The following CTIF variants were observed in gnomAD, a reference collection of about 807,000 sequenced individuals.
CTIF encodes the protein CBP80/20-dependent translation initiation factor.
In CTIF, 21 loss-of-function variants were observed where a neutral mutation model predicts 66.0. The ratio of observed to expected loss-of-function variants is 0.32; its 90% CI spans 0.23 to 0.46. CTIF has a LOEUF of 0.46. Ranked by LOEUF, CTIF falls within the 20% of genes least tolerant of loss-of-function variation. The probability of loss-of-function intolerance (pLI) is 1.00; values close to 1 mark genes in which losing one functional copy is unlikely to be tolerated. For missense variants in CTIF, 739 were observed against 812.7 expected (o/e 0.91, Z 1.10); for synonymous variants, 345 against 326.4 (o/e 1.06, Z -0.62).
chr18:48,778,812 GGGGGCATTCTCACTAGCACCGCATC>G (rs1213180695), intron 9 of CTIF, among the ~76,000 whole-genome samples: 2 of 152,176 alleles, frequency 1.3e-5, no homozygotes, highest in Non-Finnish European at 2.9e-5. Flanking sequence ...GAGGCGTTCT[GGGGGCATTCTCACTAGCACCGCATC>G]GGGACACATC....
chr18:48,767,614 T>A (rs4263013), intron 9 of CTIF, among the ~76,000 whole-genome samples: 1 of 151,822 alleles, frequency 6.6e-6, no homozygotes, highest in Non-Finnish European at 1.5e-5. Context: ...ATACCTTTTT[T>A]TGAAAAAAAA....
chr18:48,720,646 C>A (rs1435221260), intron 7 of CTIF, among the ~76,000 whole-genome samples: 1 of 152,166 alleles, frequency 6.6e-6, no homozygotes, highest in Non-Finnish European at 1.5e-5. Flanking sequence ...CGCCCACCCC[C>A]AAGCAGGCTC....
intron 7 of CTIF, among the ~76,000 whole-genome samples, chr18:48,739,163 A>T (rs2145729131): frequency 6.6e-6 from 1 of 151,998 alleles, no homozygotes; most frequent in East Asian, 1.9e-4. Flanking sequence ...GGGAGTCATT[A>T]CTCTTCATAC....
intron 7 of CTIF, among the ~76,000 whole-genome samples, chr18:48,716,411 C>T (rs919366341): frequency 2.0e-5 from 3 of 152,128 alleles, no homozygotes; most frequent in Non-Finnish European, 4.4e-5. Context: ...GTGAGACCTC[C>T]AGGAGGATTT....
chr18:48,700,791 C>T (rs897531512), intron 6 of CTIF, among the ~76,000 whole-genome samples: 2 of 152,192 alleles, frequency 1.3e-5, no homozygotes, highest in African/African-American at 2.4e-5. Context: ...TTTGCGTGTC[C>T]CTCTTCCCCA....
chr18:48,584,235 T>C (rs2089721539), intron 1 of CTIF, among the ~76,000 whole-genome samples: 1 of 152,248 alleles, frequency 6.6e-6, no homozygotes, highest in African/African-American at 2.4e-5. Context: ...TTGAGATTTA[T>C]GGTCTAGATT....
chr18:48,804,921 C>A (rs1599078817), intron 9 of CTIF, among the ~76,000 whole-genome samples: 1 of 152,218 alleles, frequency 6.6e-6, no homozygotes, highest in South Asian at 2.1e-4. Flanking sequence ...ATCCCCAGGG[C>A]CTGGGAATCC....
At chr18:48,559,494 C>T (rs112722817) in intron 1 of CTIF, among the ~76,000 whole-genome samples, 5 of 152,292 alleles carry the variant, frequency 3.3e-5, no homozygotes, top group Non-Finnish European at 5.9e-5. Context: ...GTGTGAAAAA[C>T]CACCCCAAAA....
At chr18:48,543,767 T>A (rs2088681365) in intron 1 of CTIF, among the ~76,000 whole-genome samples, 1 of 152,220 alleles carries the variant, frequency 6.6e-6, no homozygotes, top group Admixed American at 6.5e-5. Context: ...CAATCTTCTT[T>A]CTATGTACCG....
chr18:48,813,688 A>G (rs2068306660), intron 9 of CTIF, among the ~76,000 whole-genome samples: 1 of 152,246 alleles, frequency 6.6e-6, no homozygotes, highest in Non-Finnish European at 1.5e-5. Context: ...TCTTGATGCC[A>G]TGGATGATCA....
In CTIF at chr18:48,667,559, A is replaced by G. The variant is rs1453043691; in HGVS notation, c.431+3008A>G. Among the ~76,000 whole-genome samples, 4 of 152,196 alleles carry G rather than the reference A, an allele frequency of 2.6e-5. No individual in the cohort carries two copies. The South Asian group carries it at 6.2e-4, about 24-fold the overall frequency. ...CTGCATGTTGAAGGCAAGCTTGCCA[A>G]AGTGTCTCACCAGTCCCCAGAGATG... is the stretch of plus-strand genomic sequence containing the variant. On this transcript the variant is annotated intron_variant, in intron 5 of 11. Coordinates refer to ENST00000256413, the MANE Select transcript of CTIF (RefSeq NM_014772.3).
At chr18:48,835,652 A>G (rs1040499919) in intron 10 of CTIF, among the ~76,000 whole-genome samples, 5 of 152,326 alleles carry the variant, frequency 3.3e-5, no homozygotes, top group Admixed American at 3.3e-4. Context: ...TTTGAGAATC[A>G]GCTCCCTGAC....
intron 9 of CTIF, among the ~76,000 whole-genome samples, chr18:48,790,325 A>T (rs1362472214): frequency 6.6e-6 from 1 of 152,232 alleles, no homozygotes; most frequent in Non-Finnish European, 1.5e-5. Flanking sequence ...TCCAACAGGC[A>T]GGGAGTGTGA....
chr18:48,599,285 G>A (rs568740675), intron 1 of CTIF, among the ~76,000 whole-genome samples: 100 of 152,102 alleles, frequency 6.6e-4, no homozygotes, highest in African/African-American at 2.3e-3. Context: ...CAGTGTTCTA[G>A]CCAGGGGGGT....
intron 2 of CTIF, among the ~76,000 whole-genome samples, chr18:48,626,555 G>A (rs55877444): frequency 0.053 from 7,992 of 149,846 alleles, 294 homozygotes; most frequent in Non-Finnish European, 0.079. Context: ...CACTATGTTG[G>A]CCAGGCTGGT....
At chr18:48,560,259 C>T (rs2089124645) in intron 1 of CTIF, among the ~76,000 whole-genome samples, 1 of 149,394 alleles carries the variant, frequency 6.7e-6, no homozygotes, top group Non-Finnish European at 1.5e-5. Flanking sequence ...CAGAGTCTCG[C>T]TCTGTTGCCC....
At position 48,711,713 on chromosome 18, in the gene CTIF, G is replaced by C. The variant is rs746591931; in HGVS notation, c.584+18G>C. 6 of 1,607,596 alleles carry C rather than the reference G, an allele frequency of 3.7e-6. 1 individual carries two copies. The South Asian group carries it at 6.6e-5, about 18-fold the overall frequency. On this transcript the variant is annotated intron_variant, in intron 7 of 11. Transcript: ENST00000256413. Reference sequence around the variant, plus strand: ...GATCGAAGGTAGGAGAGACTTCGTCGTGAGCTTTGGGTTTTCCTTTCCTGC... The same window carrying C: ...GATCGAAGGTAGGAGAGACTTCGTCCTGAGCTTTGGGTTTTCCTTTCCTGC...
chr18:48,546,228 A>G (rs16949453), intron 1 of CTIF, among the ~76,000 whole-genome samples: 5,896 of 152,238 alleles, frequency 0.039, 392 homozygotes, highest in African/African-American at 0.13. Context: ...CTTCATTTTT[A>G]TAGAGCTGAT....
At chr18:48,550,766 G>A (rs1194983355) in intron 1 of CTIF, among the ~76,000 whole-genome samples, 2 of 152,148 alleles carry the variant, frequency 1.3e-5, no homozygotes, top group Non-Finnish European at 2.9e-5. Flanking sequence ...AGTCATCAGG[G>A]CATTTCCTAT....
Sources: allele counts gnomAD v4.1 joint callset (sites outside exome capture counted in the v4.1 genomes callset), GRCh38; gene constraint gnomAD v4.1.1; transcripts MANE v1.5; gene names NCBI Gene and HGNC (gene_info 2026-07-23, HGNC 2026-07-21).